IDH1: variants seen among roughly 807,000 people sequenced by gnomAD.
IDH1 encodes isocitrate dehydrogenase [NADP] cytoplasmic.
A neutral mutation model predicts 46.1 loss-of-function variants in IDH1; 33 were observed. The ratio of observed to expected loss-of-function variants is 0.72; its 90% confidence interval spans 0.54 to 0.96. The LOEUF (loss-of-function observed/expected upper bound fraction) is 0.96, where lower values mean the gene tolerates loss of function less well. Among genes scored for constraint, IDH1 ranks in the 40% least tolerant of loss-of-function variants. The probability of loss-of-function intolerance (pLI) is 0.00; values close to 1 mark genes in which losing one functional copy is unlikely to be tolerated. For missense variants in IDH1, 421 were observed against 515.7 expected (o/e 0.82, Z 1.78); for synonymous variants, 144 against 172.8 (o/e 0.83, Z 1.31).
chr2:208,251,935 C>T (rs1046739825), intron 2 of IDH1, among the ~76,000 whole-genome samples: 2 of 152,128 alleles, frequency 1.3e-5, no homozygotes, highest in Admixed American at 1.3e-4. Flanking sequence ...ATAATGCAAT[C>T]ATTATTCTCA....
At chr2:208,248,876 C>T (rs1048902862) in intron 3 of IDH1, among the ~76,000 whole-genome samples, 1 of 152,164 alleles carries the variant, frequency 6.6e-6, no homozygotes, top group Non-Finnish European at 1.5e-5. Flanking sequence ...GCTGCCCCTC[C>T]TCTTGTAATG....
intron 4 of IDH1, 93 bp from the exon 5 acceptor site, chr2:208,245,517 C>A (rs1320352713): frequency 1.4e-6 from 1 of 705,544 alleles, no homozygotes; most frequent in Non-Finnish European, 2.5e-6. Flanking sequence ...TAGAAGACAC[C>A]TAGACAAATA....
intron 3 of IDH1, among the ~76,000 whole-genome samples, chr2:208,249,750 T>C (rs994116960): frequency 7.9e-5 from 12 of 152,200 alleles, no homozygotes; most frequent in African/African-American, 2.9e-4. Flanking sequence ...CTTGACATAT[T>C]TCCAAATAAA....
At chr2:208,240,395 C>T (rs1420835282) in intron 7 of IDH1, 2 of 177,268 alleles carry the variant, frequency 1.1e-5, no homozygotes, top group African/African-American at 4.7e-5. Context: ...TACATATATT[C>T]ATAAATATAT....
Position 208,248,476 on chromosome 2 carries a change from GAAT to G in IDH1, c.304_306del (p.Ile102del). The G allele has an allele frequency of 6.2e-7, 1 of 1,614,120 alleles. No homozygotes were observed. The highest frequency in any genetic ancestry group is 8.5e-7 in the Non-Finnish European group (1 of 1,179,974). On this transcript the variant is annotated inframe_deletion, in exon 4 of 10. Coordinates refer to ENST00000345146, the MANE Select transcript of IDH1 (RefSeq NM_005896.4). ...GCTTCTCTGAAGACCGTGCCACCCAGAATATTTCGTATGGTGCCATTTGGTGAT... is the reference window on the plus strand; with the variant it reads ...GCTTCTCTGAAGACCGTGCCACCCAGATTTCGTATGGTGCCATTTGGTGAT...
At chr2:208,250,088 A>G (rs1191514577) in intron 3 of IDH1, among the ~76,000 whole-genome samples, 1 of 152,210 alleles carries the variant, frequency 6.6e-6, no homozygotes, top group African/African-American at 2.4e-5. Flanking sequence ...GGAATTTTGG[A>G]AAAATTTAAA....
rs148016456 is a variant in IDH1 at position 208,246,043 on chromosome 2, G to A, written c.415-619C>T. 4.6e-5 allele frequency among the ~76,000 whole-genome samples: 7 copies of A among 152,232 alleles called. 1 individual carries two copies. In the East Asian group the frequency reaches 1.4e-3, roughly 29 times the overall value. On this transcript the variant is annotated intron_variant, in intron 4 of 9. Coordinates refer to ENST00000345146, the MANE Select transcript of IDH1 (RefSeq NM_005896.4). Reference sequence around the variant, plus strand: ...CCAGGGTCAAAGGACTTGAGGTCTCGTCCTTACTTAGGCCATCGGGGCTCG... The same window carrying A: ...CCAGGGTCAAAGGACTTGAGGTCTCATCCTTACTTAGGCCATCGGGGCTCG...
chr2:208,252,390 T>G (rs1208068611), intron 2 of IDH1, among the ~76,000 whole-genome samples: 1 of 152,210 alleles, frequency 6.6e-6, no homozygotes, highest in Non-Finnish European at 1.5e-5. Flanking sequence ...TGCATTGTCC[T>G]AGGAAGACAG....
Position 208,253,391 on chromosome 2 carries a change from G to C in IDH1, c.-17+495C>G, listed in dbSNP as rs116289908. ...ACATAATTGTATTTCTTCTGGATCT[G>C]ATTTCCATGGGATGGGCTTGAGGCC... On this transcript the variant is annotated intron_variant, in intron 2 of 9. Transcript: ENST00000345146. 7.7e-3 allele frequency among the ~76,000 whole-genome samples: 1,176 copies of C among 152,292 alleles called. 6 individuals are homozygous for C. The highest frequency in any genetic ancestry group is 0.026 in the African/African-American group (1,085 of 41,560).
At chr2:208,249,829 T>C (rs1468513026) in intron 3 of IDH1, among the ~76,000 whole-genome samples, 1 of 152,250 alleles carries the variant, frequency 6.6e-6, no homozygotes, top group African/African-American at 2.4e-5. Context: ...CTTTGTTATC[T>C]TCTTGCATAG....
intron 7 of IDH1, 61 bp from the exon 8 acceptor site, chr2:208,240,064 G>C: frequency 6.4e-7 from 1 of 1,561,102 alleles, no homozygotes; most frequent in Non-Finnish European, 8.8e-7. Flanking sequence ...GAGTCTCTCA[G>C]AGATGAGAGC....
At position 208,242,136 on chromosome 2, in the gene IDH1, C is replaced by T. The variant is rs150747919; in HGVS notation, c.708G>A (p.Lys236=). 6.1e-4 allele frequency: 990 copies of T among 1,613,804 alleles called. 5 individuals are homozygous for T. In the African/African-American group the frequency reaches 0.011, roughly 18 times the overall value. ...AGATCTTTTGAGCTTCAAACTGGGA[C>T]TTGTACTGCCTGGGAAACAAAAGGT... is the stretch of plus-strand genomic sequence containing the variant. ...IFQEIYDKQY[K]SQFEAQKIWY... Residue 236 remains lysine (K), a synonymous_variant, in exon 7 of 10, where the codon AAG becomes AAA. Transcript: ENST00000345146.
At chr2:208,240,519 T>G (rs1460901549) in intron 7 of IDH1, among the ~76,000 whole-genome samples, 3 of 152,274 alleles carry the variant, frequency 2.0e-5, no homozygotes, top group East Asian at 3.9e-4. Context: ...GGACGAGAGC[T>G]GTCTCTTAAG....
At chr2:208,245,265 T>A (rs2124856841) in intron 5 of IDH1, 54 bp downstream of exon 5, 1 of 900,136 alleles carries the variant, frequency 1.1e-6, no homozygotes, top group South Asian at 1.4e-5. Context: ...ATAAAAATAT[T>A]ATCTAAATCA....
At chr2:208,246,690 G>A (rs1169366591) in intron 4 of IDH1, among the ~76,000 whole-genome samples, 1 of 148,730 alleles carries the variant, frequency 6.7e-6, no homozygotes, top group Non-Finnish European at 1.5e-5. Flanking sequence ...TGTAATCCCA[G>A]CACTTTGGGA....
In IDH1 at chr2:208,242,163, A is replaced by G; in HGVS notation, c.699-18T>C. On this transcript the variant is annotated intron_variant, in intron 6 of 9. Transcript: ENST00000345146. ...TGTACTGCCTGGGAAACAAAAGGTA[A>G]AAGAGAATAATAATAAAGAAAATTG... 1 of 1,611,044 alleles carries G rather than the reference A, an allele frequency of 6.2e-7. No individual in the cohort carries two copies. The highest frequency in any genetic ancestry group is 1.7e-5 in the Admixed American group (1 of 60,020).
At chr2:208,251,214 ATTC>A (rs1688115915) in intron 3 of IDH1, 1 of 470,680 alleles carries the variant, frequency 2.1e-6, no homozygotes, top group Non-Finnish European at 3.8e-6. Flanking sequence ...TTCAGATTAT[ATTC>A]TTTTTTTTTT....
rs1687927538 is a variant in IDH1, at chr2:208,241,993, C to T, written c.850+1G>A. The T allele has an allele frequency of 6.2e-7, 1 of 1,611,850 alleles. No homozygotes were observed. The highest frequency in any genetic ancestry group is 8.5e-7 in the Non-Finnish European group (1 of 1,179,720). On this transcript the variant is annotated splice_donor_variant, in intron 7 of 9. Coordinates refer to ENST00000345146, the MANE Select transcript of IDH1 (RefSeq NM_005896.4). LOFTEE classifies it high-confidence loss of function. The stretch of plus-strand genomic sequence containing the variant: ...CTACAGGCCAGGCTCCACCTCTGTA[C>T]CTTGGGCCACAGAGTCCGACTGCAC...
intron 8 of IDH1, among the ~76,000 whole-genome samples, chr2:208,239,474 A>G (rs1479693384): frequency 3.9e-5 from 6 of 152,240 alleles, no homozygotes; most frequent in African/African-American, 1.4e-4. Flanking sequence ...TTCTAATTTG[A>G]AAAAGGTCAC....
Sources: allele counts gnomAD v4.1 joint callset (sites outside exome capture counted in the v4.1 genomes callset), GRCh38; gene constraint gnomAD v4.1.1; transcripts MANE v1.5; gene names NCBI Gene and HGNC (gene_info 2026-07-23, HGNC 2026-07-21).